Variants in BBS9 observed in about 807,000 individuals in gnomAD.
The protein encoded by BBS9 is Bardet-Biedl syndrome 9.
A neutral mutation model predicts 117.7 loss-of-function variants in BBS9; 89 were observed. The observed-to-expected ratio is 0.76, with a 90% CI of 0.64 to 0.90. The LOEUF (loss-of-function observed/expected upper bound fraction) is 0.90, where lower values mean the gene tolerates loss of function less well. BBS9 is among the 40% of genes least tolerant of loss of function. The probability of loss-of-function intolerance (pLI) is 0.00; values close to 1 mark genes in which losing one functional copy is unlikely to be tolerated. For missense variants in BBS9, 982 were observed against 1,042.2 expected (o/e 0.94, Z 0.80); for synonymous variants, 379 against 370.9 (o/e 1.02, Z -0.25).
chr7:33,262,578 A>G (rs530113355), intron 6 of BBS9, among the ~76,000 whole-genome samples: 1 of 152,306 alleles, frequency 6.6e-6, no homozygotes, highest in African/African-American at 2.4e-5. Flanking sequence ...TTGAAGGTCA[A>G]TCTCAGATGG....
At chr7:33,317,124 T>C (rs1429108863) in intron 9 of BBS9, among the ~76,000 whole-genome samples, 1 of 152,224 alleles carries the variant, frequency 6.6e-6, no homozygotes, top group East Asian at 1.9e-4. Flanking sequence ...CTTTCCTCTT[T>C]GAATTACTTT....
intron 19 of BBS9, among the ~76,000 whole-genome samples, chr7:33,450,407 A>C (rs1837626279): frequency 6.6e-6 from 1 of 152,164 alleles, no homozygotes. Context: ...GGATTGCTAG[A>C]TCATGTTGTA....
chr7:33,577,043 A>G lies in BBS9; in HGVS notation c.2522-27822A>G, dbSNP rs867788704. Among the ~76,000 whole-genome samples the G allele has an allele frequency of 4.6e-5, 7 of 152,358 alleles. No homozygotes were observed. The South Asian group carries it at 1.4e-3, about 32-fold the overall frequency. On this transcript the variant is annotated intron_variant, in intron 21 of 22. Coordinates refer to ENST00000242067, the MANE Select transcript of BBS9 (RefSeq NM_198428.3). ...CAAAGCAATGGCAACAAAAGCCAAA[A>G]TAGACAAATGGGATCTAATTAAACT...
chr7:33,423,743 G>C (rs189126986), intron 19 of BBS9, among the ~76,000 whole-genome samples: 7 of 152,190 alleles, frequency 4.6e-5, no homozygotes, highest in Admixed American at 2.6e-4. Context: ...GACAAAACTT[G>C]AAGTCTTCTT....
At chr7:33,177,762 A>ATGTGCC in intron 5 of BBS9, 171 bp downstream of exon 5, 1 of 625,346 alleles carries the variant, frequency 1.6e-6, no homozygotes, top group Non-Finnish European at 2.9e-6. Context: ...ACCACCCTGA[A>ATGTGCC]TGTGCCTGAT....
intron 4 of BBS9, among the ~76,000 whole-genome samples, chr7:33,173,902 G>C (rs1221019285): frequency 6.6e-6 from 1 of 152,130 alleles, no homozygotes; most frequent in Non-Finnish European, 1.5e-5. Context: ...CCCTATCTAA[G>C]TGTGCAAGAA....
intron 19 of BBS9, among the ~76,000 whole-genome samples, chr7:33,403,778 G>A (rs1337420264): frequency 2.0e-5 from 3 of 152,076 alleles, no homozygotes; most frequent in South Asian, 2.1e-4. Context: ...ATAGACATAC[G>A]TGTGCATGTG....
chr7:33,368,748 A>G (rs1822298064), intron 17 of BBS9, among the ~76,000 whole-genome samples: 7 of 152,116 alleles, frequency 4.6e-5, no homozygotes, highest in Admixed American at 4.6e-4. Context: ...TAATAATAAG[A>G]GTACAATAAG....
chr7:33,247,398 G>A (rs2128294408), intron 5 of BBS9, among the ~76,000 whole-genome samples: 1 of 152,184 alleles, frequency 6.6e-6, no homozygotes, highest in South Asian at 2.1e-4. Context: ...TTGTGGCTCT[G>A]CCATCAGTTC....
At chr7:33,590,382 A>C (rs575119351) in intron 21 of BBS9, among the ~76,000 whole-genome samples, 1 of 149,402 alleles carries the variant, frequency 6.7e-6, no homozygotes, top group Non-Finnish European at 1.5e-5. Context: ...TCTATTATTG[A>C]TCTGGACCCT....
chr7:33,335,608 T>C (rs892885136), intron 9 of BBS9, among the ~76,000 whole-genome samples: 1 of 152,080 alleles, frequency 6.6e-6, no homozygotes. Flanking sequence ...TTTAAAAAAA[T>C]TGTGTGCTAA....
chr7:33,591,056 T>C (rs2129178878), intron 21 of BBS9, among the ~76,000 whole-genome samples: 1 of 152,150 alleles, frequency 6.6e-6, no homozygotes, highest in Non-Finnish European at 1.5e-5. Flanking sequence ...CAGGAGCTGA[T>C]TGGTCATTTC....
chr7:33,385,860 T>C (rs890540360), intron 18 of BBS9, among the ~76,000 whole-genome samples: 3 of 152,150 alleles, frequency 2.0e-5, no homozygotes, highest in African/African-American at 7.2e-5. Context: ...AATATTTTTA[T>C]TACTTAATTT....
In BBS9 at chr7:33,327,487, G is replaced by T. The variant is rs1243604414; in HGVS notation, c.1017-8954G>T. 2.0e-5 allele frequency among the ~76,000 whole-genome samples: 3 copies of T among 152,048 alleles called. No homozygotes were observed. In the East Asian group the frequency reaches 5.8e-4, roughly 29 times the overall value. On this transcript the variant is annotated intron_variant, in intron 9 of 22. Transcript: ENST00000242067. Reference sequence around the variant, plus strand: ...GGTTGAAGCAGGAGGATCACCTGAGGCCAGGAATTCATGACCAGACCTGCA... The same window carrying T: ...GGTTGAAGCAGGAGGATCACCTGAGTCCAGGAATTCATGACCAGACCTGCA...
At chr7:33,520,420 T>G (rs889072613) in intron 20 of BBS9, among the ~76,000 whole-genome samples, 10 of 152,184 alleles carry the variant, frequency 6.6e-5, no homozygotes, top group African/African-American at 2.4e-4. Flanking sequence ...CAAGTAAGAA[T>G]AATGGTATGG....
chr7:33,468,461 A>G (rs1322372530), intron 19 of BBS9, among the ~76,000 whole-genome samples: 2 of 152,184 alleles, frequency 1.3e-5, no homozygotes, highest in African/African-American at 2.4e-5. Context: ...TATACAATGT[A>G]TTAATGATCA....
chr7:33,526,702 C>T (rs940348205), intron 20 of BBS9, among the ~76,000 whole-genome samples: 31 of 147,670 alleles, frequency 2.1e-4, no homozygotes, highest in Admixed American at 5.4e-4. Flanking sequence ...AATGTCCTCC[C>T]GTAGCTCAGA....
chr7:33,307,653 C>T (rs150344873), intron 9 of BBS9, among the ~76,000 whole-genome samples: 5 of 151,918 alleles, frequency 3.3e-5, no homozygotes, highest in Non-Finnish European at 5.9e-5. Flanking sequence ...AATGTCATCT[C>T]TAGATTATTT....
intron 16 of BBS9, among the ~76,000 whole-genome samples, chr7:33,367,046 T>A (rs1821909999): frequency 1.3e-5 from 2 of 152,218 alleles, no homozygotes; most frequent in Non-Finnish European, 2.9e-5. Context: ...GATCCATTAG[T>A]TCACTACAGG....
Sources: gnomAD v4.1 joint callset for allele counts (sites outside exome capture counted in the v4.1 genomes callset) on GRCh38, gnomAD v4.1.1 for gene constraint, MANE v1.5 for transcripts, NCBI Gene and HGNC (gene_info 2026-07-23, HGNC 2026-07-21) for gene names.